The following TLE4 variants were observed in gnomAD, a reference collection of about 807,000 sequenced individuals.
TLE4 encodes TLE family member 4, transcriptional corepressor.
Under a neutral mutation model 92.8 loss-of-function variants are expected in TLE4, and 8 were observed. The observed-to-expected ratio is 0.09, with a 90% CI of 0.05 to 0.16. The LOEUF (loss-of-function observed/expected upper bound fraction) is 0.16, where lower values mean the gene tolerates loss of function less well. Ranked by LOEUF, TLE4 falls within the 10% of genes least tolerant of loss-of-function variation. The pLI, the probability that TLE4 is intolerant of heterozygous loss-of-function variation, is 1.00. For synonymous variants in TLE4, 371 were observed against 374.1 expected, an observed-to-expected ratio of 0.99 and a Z score of 0.10; for missense variants, 675 against 997.6, an observed-to-expected ratio of 0.68 and a Z score of 4.36.
chr9:79,635,206 T>G (rs2055409348), intron 6 of TLE4, among the ~76,000 whole-genome samples: 1 of 152,320 alleles, frequency 6.6e-6, no homozygotes, highest in African/African-American at 2.4e-5. Context: ...GTGTTTTTTA[T>G]GCATTTTCAT....
At chr9:79,722,397 TAAAAG>T (rs1476274185) in intron 17 of TLE4, 49 bp from the exon 18 acceptor site, 1 of 1,592,070 alleles carries the variant, frequency 6.3e-7, no homozygotes, top group African/African-American at 1.3e-5. Context: ...ACCTCCCAGA[TAAAAG>T]AAGCGTGTCC....
At chr9:79,628,873 AGTGTGTGTGTGTGT>A (rs34212290) in intron 6 of TLE4, among the ~76,000 whole-genome samples, 191 of 148,098 alleles carry the variant, frequency 1.3e-3, no homozygotes, top group African/African-American at 4.6e-3. Flanking sequence ...TTTAAAGTTA[AGTGTGTGTGTGTGT>A]GTGTGTGTGT....
At chr9:79,690,597 C>T (rs527956584) in intron 8 of TLE4, among the ~76,000 whole-genome samples, 1 of 151,884 alleles carries the variant, frequency 6.6e-6, no homozygotes, top group East Asian at 1.9e-4. Flanking sequence ...TTTTAGGTTA[C>T]CTAAGACTCC....
chr9:79,654,137 A>C, intron 8 of TLE4, 62 bp downstream of exon 8: 1 of 1,493,866 alleles, frequency 6.7e-7, no homozygotes, highest in Non-Finnish European at 9.3e-7. Context: ...ATTTGAATGA[A>C]TCTAGTAAAG....
Position 79,650,795 on chromosome 9 carries a change from T to A in TLE4, c.391-1798T>A, listed in dbSNP as rs75030335. On this transcript the variant is annotated intron_variant, in intron 6 of 19. Transcript: ENST00000376552. The stretch of plus-strand genomic sequence containing the variant: ...CTGCTTGTAAACTTGCTTTTCAAAG[T>A]GTTCATACTTTATTCTATTGACTAT... 7.8e-3 allele frequency among the ~76,000 whole-genome samples: 1,191 copies of A among 152,194 alleles called. 15 individuals are homozygous for A. Among genetic ancestry groups the A allele is most frequent in the African/African-American group, 0.027 (1,132 of 41,524 alleles).
chr9:79,650,058 G>A (rs1372457356), intron 6 of TLE4, among the ~76,000 whole-genome samples: 1 of 151,942 alleles, frequency 6.6e-6, no homozygotes, highest in East Asian at 1.9e-4. Flanking sequence ...TGGGACTACA[G>A]ATGTGCGCCA....
intron 4 of TLE4, among the ~76,000 whole-genome samples, chr9:79,587,053 C>T (rs1400828982): frequency 6.6e-6 from 1 of 152,154 alleles, no homozygotes; most frequent in African/African-American, 2.4e-5. Flanking sequence ...AACACTATAC[C>T]TTATTCATTC....
At chr9:79,653,146 G>A (rs912900733) in intron 7 of TLE4, among the ~76,000 whole-genome samples, 1 of 152,174 alleles carries the variant, frequency 6.6e-6, no homozygotes, top group African/African-American at 2.4e-5. Context: ...TTATTTTGGG[G>A]AATGTCTTGC....
chr9:79,587,853 G>A (rs560013045), intron 4 of TLE4, among the ~76,000 whole-genome samples: 1 of 152,258 alleles, frequency 6.6e-6, no homozygotes, highest in South Asian at 2.1e-4. Flanking sequence ...AAAATTTATC[G>A]AGTGCCCACT....
At chr9:79,709,731 G>A in intron 14 of TLE4, 32 bp downstream of exon 14, 3 of 1,604,028 alleles carry the variant, frequency 1.9e-6, no homozygotes, top group Non-Finnish European at 2.6e-6. Flanking sequence ...TGCTCATTGT[G>A]TGTCAAACTC....
chr9:79,684,374 C>T (rs1169514103), intron 8 of TLE4, among the ~76,000 whole-genome samples: 5 of 152,258 alleles, frequency 3.3e-5, no homozygotes, highest in East Asian at 1.9e-4. Context: ...AGGTGAGTGG[C>T]GGCTGAGTGA....
At chr9:79,638,938 G>T (rs1306619909) in intron 6 of TLE4, among the ~76,000 whole-genome samples, 3 of 152,076 alleles carry the variant, frequency 2.0e-5, no homozygotes, top group African/African-American at 7.2e-5. Flanking sequence ...TGCTATCAAG[G>T]CTAAAGCATT....
intron 6 of TLE4, among the ~76,000 whole-genome samples, chr9:79,636,214 C>T (rs560437989): frequency 8.7e-4 from 132 of 152,100 alleles, no homozygotes; most frequent in African/African-American, 2.7e-3. Context: ...GTAGCTGAGA[C>T]GCTACTCGGG....
chr9:79,585,887 CA>C (rs1320754746), intron 4 of TLE4, among the ~76,000 whole-genome samples: 1 of 130,474 alleles, frequency 7.7e-6, no homozygotes, highest in Non-Finnish European at 1.7e-5. Context: ...TGTTAGATGA[CA>C]AAGTTCTTCA....
Position 79,690,448 on chromosome 9 carries a change from C to T in TLE4, c.610-14335C>T, listed in dbSNP as rs187840096. The stretch of plus-strand genomic sequence containing the variant: ...CATCTGTCTTAAGTACTGGGTACCA[C>T]TTTGTGGAAATTTAATTCTGGTTGA... On this transcript the variant is annotated intron_variant, in intron 8 of 19. Transcript: ENST00000376552. 3.3e-3 allele frequency among the ~76,000 whole-genome samples: 508 copies of T among 152,284 alleles called. 1 individual carries two copies. Among genetic ancestry groups the T allele is most frequent in the Admixed American group, 8.6e-3 (131 of 15,294 alleles).
intron 8 of TLE4, among the ~76,000 whole-genome samples, chr9:79,654,548 AT>A (rs2059499287): frequency 6.7e-6 from 1 of 149,768 alleles, no homozygotes; most frequent in Non-Finnish European, 1.5e-5. Context: ...ATTTAAGTGA[AT>A]TTTTTTCACC....
chr9:79,706,088 T>G, intron 10 of TLE4, 146 bp downstream of exon 10: 1 of 797,022 alleles, frequency 1.3e-6, no homozygotes, highest in Non-Finnish European at 2.2e-6. Flanking sequence ...TCTCTTGCCC[T>G]GGCTAGAGTA....
At position 79,705,956 on chromosome 9, in the gene TLE4, T is replaced by C. The variant is rs768169642; in HGVS notation, c.783+14T>C. On this transcript the variant is annotated intron_variant, in intron 10 of 19. Transcript: ENST00000376552. ...GTTTCCAATGAGGTATGTTTGTGGC[T>C]ACTTTAATTTTTTGCACTTGCCCAG... The C allele has an allele frequency of 1.9e-6, 3 of 1,613,820 alleles. No homozygotes were observed. Among genetic ancestry groups the C allele is most frequent in the African/African-American group, 2.7e-5 (2 of 74,922 alleles).
chr9:79,585,529 G>A lies in TLE4; in HGVS notation c.252+9352G>A, dbSNP rs76136220. Reference sequence around the variant, plus strand: ...CAGCTTTGTGATATTGCTGAGTACCGTACCTTTAAGGGCCATGCTTTTCTC... The same window carrying A: ...CAGCTTTGTGATATTGCTGAGTACCATACCTTTAAGGGCCATGCTTTTCTC... On this transcript the variant is annotated intron_variant, in intron 4 of 19. Coordinates refer to ENST00000376552, the MANE Select transcript of TLE4 (RefSeq NM_007005.6). Among the ~76,000 whole-genome samples the A allele has an allele frequency of 1.9e-4, 29 of 152,248 alleles. No individual in the cohort carries two copies. In the East Asian group the frequency reaches 5.2e-3, roughly 27 times the overall value.
Sources: allele counts gnomAD v4.1 joint callset (sites outside exome capture counted in the v4.1 genomes callset), GRCh38; gene constraint gnomAD v4.1.1; transcripts MANE v1.5; gene names NCBI Gene and HGNC (gene_info 2026-07-23, HGNC 2026-07-21).